PLXNC1: variants seen among roughly 807,000 people sequenced by gnomAD.
PLXNC1 encodes the protein plexin-C1.
A neutral mutation model predicts 178.2 loss-of-function variants in PLXNC1; 75 were observed. The observed-to-expected ratio is 0.42, with a 90% CI of 0.35 to 0.51. The LOEUF (loss-of-function observed/expected upper bound fraction) is 0.51, where lower values mean the gene tolerates loss of function less well. Among genes scored for constraint, PLXNC1 ranks in the 20% least tolerant of loss-of-function variants. PLXNC1 has a pLI of 0.02. For synonymous variants in PLXNC1, 790 were observed against 779.9 expected (o/e 1.01, Z -0.22); for missense variants, 1,503 against 1,984.4 (o/e 0.76, Z 4.61).
In PLXNC1 at chr12:94,177,174, T is replaced by TAC. The variant is rs1405967643; in HGVS notation, c.1204-4271_1204-4270dup. Among the ~76,000 whole-genome samples the TAC allele has an allele frequency of 1.3e-3, 75 of 56,370 alleles. 1 individual carries two copies. The East Asian group carries it at 0.037, about 28-fold the overall frequency. 37.0% of individuals were successfully genotyped at this position (56,370 alleles called of 152,430 possible). A position where few individuals can be genotyped will look rare whatever the true frequency, so the allele number is the denominator to read the frequency against. On this transcript the variant is annotated intron_variant, in intron 2 of 30. Coordinates refer to ENST00000258526, the MANE Select transcript of PLXNC1 (RefSeq NM_005761.3). The stretch of plus-strand genomic sequence containing the variant: ...GTATATATATATGTATATATATATA[T>TAC]ACGTATATATATGTATATATATATA...
chr12:94,212,404 C>T (rs55662904), intron 5 of PLXNC1, among the ~76,000 whole-genome samples: 29,606 of 151,774 alleles, frequency 0.2, 3,031 homozygotes, highest in Middle Eastern at 0.25. Flanking sequence ...TATACATGTG[C>T]CATGTTGGTT....
At chr12:94,286,680 G>A (rs981137146) in intron 23 of PLXNC1, among the ~76,000 whole-genome samples, 1 of 147,410 alleles carries the variant, frequency 6.8e-6, no homozygotes, top group Admixed American at 6.7e-5. Flanking sequence ...AGTTTTAAGT[G>A]AATCAGACTC....
In PLXNC1 at chr12:94,217,009, CCTCACTGGCTCCTCTCTCCTT is replaced by C. The variant is rs539510737; in HGVS notation, c.1555-3005_1555-2985del. Among the ~76,000 whole-genome samples, 417 of 152,292 alleles carry C rather than the reference CCTCACTGGCTCCTCTCTCCTT, an allele frequency of 2.7e-3. 1 individual carries two copies. Among genetic ancestry groups the C allele is most frequent in the Non-Finnish European group, 4.3e-3 (291 of 68,022 alleles). ...CCCAAGTTACGCAAAAATACCTTCA[CCTCACTGGCTCCTCTCTCCTT>C]CCACTGCACCTGAAAAAAACATGCT... On this transcript the variant is annotated intron_variant, in intron 5 of 30. Transcript: ENST00000258526.
chr12:94,181,577 A>G lies in PLXNC1; in HGVS notation c.1335A>G (p.Lys445=). ...KNIYIYLTAG[K]EVRRIRVANC... is the part of the protein sequence containing the mutation. ...TCTACATTTATCTAACAGCTGGGAA[A>G]GAGGTAGGTAGAAATACTAGTTATT... Residue 445 remains lysine (K), a synonymous_variant, in exon 3 of 31, where the codon AAA becomes AAG. Transcript: ENST00000258526. 1 of 1,605,098 alleles carries G rather than the reference A, an allele frequency of 6.2e-7. No homozygotes were observed. Among genetic ancestry groups the G allele is most frequent in the Non-Finnish European group, 8.5e-7 (1 of 1,174,094 alleles).
chr12:94,169,585 ACC>A (rs767701145), intron 2 of PLXNC1, among the ~76,000 whole-genome samples: 5 of 152,078 alleles, frequency 3.3e-5, no homozygotes, highest in Non-Finnish European at 7.4e-5. Flanking sequence ...TCTGGTCCCT[ACC>A]CCAACCCTGA....
At chr12:94,232,018 C>T (rs1964116573) in intron 9 of PLXNC1, among the ~76,000 whole-genome samples, 1 of 152,182 alleles carries the variant, frequency 6.6e-6, no homozygotes, top group Non-Finnish European at 1.5e-5. Flanking sequence ...CATACAAAGT[C>T]ATATCCCCTG....
At position 94,149,788 on chromosome 12, in the gene PLXNC1, G is replaced by GTGC. The variant is rs771131448; in HGVS notation, c.820_822dup (p.Leu274dup). 32 of 1,607,594 alleles carry GTGC rather than the reference G, an allele frequency of 2.0e-5. No individual in the cohort carries two copies. The highest frequency in any genetic ancestry group is 2.7e-5 in the Non-Finnish European group (32 of 1,178,812). ...GGCGCGCATCGCGCAGAGCACCGAG[G>GTGC]TGCTGTTCCAGGGCCAGGCATCCCT... is the stretch of plus-strand genomic sequence containing the variant. On this transcript the variant is annotated inframe_insertion, in exon 1 of 31. Coordinates refer to ENST00000258526, the MANE Select transcript of PLXNC1 (RefSeq NM_005761.3).
At chr12:94,233,353 C>T (rs540076871) in intron 9 of PLXNC1, among the ~76,000 whole-genome samples, 9 of 152,278 alleles carry the variant, frequency 5.9e-5, no homozygotes, top group African/African-American at 1.7e-4. Context: ...AGAATCAGGG[C>T]CCTCCACTGG....
At chr12:94,207,811 A>G (rs1447510590) in intron 4 of PLXNC1, among the ~76,000 whole-genome samples, 7 of 152,196 alleles carry the variant, frequency 4.6e-5, no homozygotes, top group African/African-American at 1.4e-4. Context: ...TTGTAGCACT[A>G]TTTGTATGAA....
intron 21 of PLXNC1, among the ~76,000 whole-genome samples, chr12:94,275,854 C>CAAAAAA (rs34551603): frequency 1.7e-4 from 4 of 23,098 alleles, no homozygotes; most frequent in Non-Finnish European, 2.6e-4. Context: ...GACTCCGTCT[C>CAAAAAA]AAAAAAAAAA....
At chr12:94,237,945 T>A in intron 10 of PLXNC1, 142 bp downstream of exon 10, 1 of 712,742 alleles carries the variant, frequency 1.4e-6, no homozygotes, top group African/African-American at 1.8e-5. Context: ...GTATTTGACA[T>A]AATATAATTC....
chr12:94,270,377 G>A (rs899307163), intron 21 of PLXNC1, among the ~76,000 whole-genome samples: 5 of 152,206 alleles, frequency 3.3e-5, no homozygotes, highest in African/African-American at 1.2e-4. Context: ...TGAGTTTTAA[G>A]TCTTAAATAC....
chr12:94,275,256 A>G (rs1159119800), intron 21 of PLXNC1, among the ~76,000 whole-genome samples: 1 of 152,250 alleles, frequency 6.6e-6, no homozygotes. Flanking sequence ...ATTATCTGAG[A>G]ACAAGGACTA....
chr12:94,220,448 G>A (rs962735494), intron 6 of PLXNC1, among the ~76,000 whole-genome samples: 1 of 152,196 alleles, frequency 6.6e-6, no homozygotes, highest in African/African-American at 2.4e-5. Flanking sequence ...TACCCAAATG[G>A]TTTAGATAAT....
chr12:94,188,901 G>A (rs1592747556), intron 4 of PLXNC1, among the ~76,000 whole-genome samples: 1 of 152,230 alleles, frequency 6.6e-6, no homozygotes, highest in East Asian at 1.9e-4. Flanking sequence ...TTCTCCTATT[G>A]CTCACATTAT....
Position 94,254,708 on chromosome 12 carries a change from A to C in PLXNC1, c.2882-79A>C, listed in dbSNP as rs950368172. On this transcript the variant is annotated intron_variant, in intron 15 of 30. Transcript: ENST00000258526. The stretch of plus-strand genomic sequence containing the variant: ...TTTGTTTTTGTTTTTGTTTTTAAGA[A>C]CTGTAAAGATTGCTATTTGTTTTCA... The C allele has an allele frequency of 6.3e-6, 6 of 950,388 alleles. No individual in the cohort carries two copies. In the African/African-American group the frequency reaches 9.9e-5, roughly 16 times the overall value. The allele number at this position is 950,388 out of a possible 1,614,324, so 58.9% of individuals were successfully genotyped here.
chr12:94,284,386 C>G (rs886260083), intron 23 of PLXNC1, among the ~76,000 whole-genome samples: 4 of 152,150 alleles, frequency 2.6e-5, no homozygotes, highest in Non-Finnish European at 5.9e-5. Context: ...GCAAGAGCAG[C>G]TTGGAGGTTA....
At chr12:94,287,613 T>C (rs1220275093) in intron 23 of PLXNC1, among the ~76,000 whole-genome samples, 1 of 152,186 alleles carries the variant, frequency 6.6e-6, no homozygotes, top group Admixed American at 6.5e-5. Flanking sequence ...TTAACCGCTT[T>C]CATTAACAGA....
intron 14 of PLXNC1, 32 bp from the exon 15 acceptor site, chr12:94,251,394 A>C (rs758659608): frequency 1.6e-6 from 2 of 1,277,434 alleles, no homozygotes; most frequent in Non-Finnish European, 2.3e-6. Flanking sequence ...CCCCAACTCA[A>C]TTGGGTCTAA....
Sources: allele counts gnomAD v4.1 joint callset (sites outside exome capture counted in the v4.1 genomes callset), GRCh38; gene constraint gnomAD v4.1.1; transcripts MANE v1.5; gene names NCBI Gene and HGNC (gene_info 2026-07-23, HGNC 2026-07-21).